Variants in TRIM42 observed in about 807,000 individuals in gnomAD.
The protein encoded by TRIM42 is tripartite motif containing 42, also known as tripartite motif-containing protein 42.
Under a neutral mutation model 64.9 loss-of-function variants are expected in TRIM42, and 59 were observed. The ratio of observed to expected loss-of-function variants is 0.91; its 90% confidence interval spans 0.74 to 1.13. TRIM42 has a LOEUF of 1.13. Ranked by LOEUF, TRIM42 falls within the 50% of genes most tolerant of loss-of-function variation. The pLI, the probability that TRIM42 is intolerant of heterozygous loss-of-function variation, is 0.00. For synonymous variants in TRIM42, 354 were observed against 346.3 expected (o/e 1.02, Z -0.25); for missense variants, 878 against 929.5 (o/e 0.94, Z 0.72).
intron 4 of TRIM42, among the ~76,000 whole-genome samples, chr3:140,697,809 T>A (rs926355322): frequency 6.6e-6 from 1 of 151,992 alleles, no homozygotes; most frequent in South Asian, 2.1e-4. Flanking sequence ...TCAGCCTCCC[T>A]AGTAGCTGGG....
At chr3:140,683,842 G>A (rs1226046328) in intron 2 of TRIM42, among the ~76,000 whole-genome samples, 1 of 152,022 alleles carries the variant, frequency 6.6e-6, no homozygotes, top group Non-Finnish European at 1.5e-5. Flanking sequence ...GTTTTATATT[G>A]TTACATATAA....
chr3:140,691,485 T>C (rs1247167909), intron 4 of TRIM42, among the ~76,000 whole-genome samples: 1 of 152,186 alleles, frequency 6.6e-6, no homozygotes, highest in Non-Finnish European at 1.5e-5. Context: ...GCTCAGGGTC[T>C]AGTAAACAAA....
chr3:140,690,992 G>A lies in TRIM42; in HGVS notation c.1885G>A (p.Asp629Asn), dbSNP rs1244064122. 1 of 1,613,908 alleles carries A rather than the reference G, an allele frequency of 6.2e-7. No individual in the cohort carries two copies. The highest frequency in any genetic ancestry group is 1.1e-5 in the South Asian group (1 of 91,066). Residue 629 changes from aspartate (D) to asparagine (N), a missense_variant, in exon 4 of 5, where the codon GAC becomes AAC. Coordinates refer to ENST00000286349, the MANE Select transcript of TRIM42 (RefSeq NM_152616.5). ...AKVYWTCPAE[D>N]VDSFEMEFYE... ...GGTTTACTGGACATGTCCAGCAGAA[G>A]ACGTGGACTCTTTTGAGATGGAATT...
At chr3:140,681,454 TA>T (rs1451446585) in intron 1 of TRIM42, among the ~76,000 whole-genome samples, 2 of 152,152 alleles carry the variant, frequency 1.3e-5, no homozygotes, top group African/African-American at 4.8e-5. Context: ...GAGAGAGGTT[TA>T]AAAAAACATC....
At chr3:140,680,451 C>T (rs185560198) in intron 1 of TRIM42, among the ~76,000 whole-genome samples, 258 of 152,200 alleles carry the variant, frequency 1.7e-3, no homozygotes, top group Non-Finnish European at 3.0e-3. Flanking sequence ...GCCCTGAGAC[C>T]TCTTTCTCAT....
intron 2 of TRIM42, among the ~76,000 whole-genome samples, chr3:140,684,899 T>C (rs1988509589): frequency 6.6e-6 from 1 of 152,100 alleles, no homozygotes; most frequent in Non-Finnish European, 1.5e-5. Flanking sequence ...ACCTCGTCCT[T>C]AATACAGGAG....
At position 140,697,359 on chromosome 3, in the gene TRIM42, A is replaced by G. The variant is rs144095771; in HGVS notation, c.2086-3529A>G. On this transcript the variant is annotated intron_variant, in intron 4 of 4. Coordinates refer to ENST00000286349, the MANE Select transcript of TRIM42 (RefSeq NM_152616.5). ...TAATTTTGATATAATCAAAATCATC[A>G]ATTATTTTTTCTTTATAGCTTAACC... 2.9e-3 allele frequency among the ~76,000 whole-genome samples: 442 copies of G among 152,234 alleles called. 13 individuals are homozygous for G. The East Asian group carries it at 0.074, about 26-fold the overall frequency.
Position 140,682,597 on chromosome 3 carries a change from G to T in TRIM42, c.477G>T (p.Leu159=). ...CSRLRLHSFM[L]PCNHSLCEKC... ...GGCTGCGCCTGCACTCATTCATGCT[G>T]CCCTGCAACCACAGCCTGTGCGAGA... Residue 159 remains leucine, a synonymous_variant, in exon 2 of 5, where the codon CTG becomes CTT. Coordinates refer to ENST00000286349, the MANE Select transcript of TRIM42 (RefSeq NM_152616.5). 2 of 1,614,202 alleles carry T rather than the reference G, an allele frequency of 1.2e-6. No homozygotes were observed. Among genetic ancestry groups the T allele is most frequent in the Non-Finnish European group, 1.7e-6 (2 of 1,180,042 alleles).
In TRIM42 at chr3:140,678,373, G is replaced by C. The variant is rs749345972; in HGVS notation, c.144G>C (p.Arg48=). 1 of 1,614,178 alleles carries C rather than the reference G, an allele frequency of 6.2e-7. No individual in the cohort carries two copies. The highest frequency in any genetic ancestry group is 8.5e-7 in the Non-Finnish European group (1 of 1,180,024). Residue 48 remains arginine, a synonymous_variant, in exon 1 of 5, where the codon CGG becomes CGC. Transcript: ENST00000286349. ...TCCCCTGCCCTTACAAAGATGAGCG[G>C]AACTGCCAGTTCTGCCACTGCACCT... ...TCFPCPYKDE[R]NCQFCHCTCS... is the part of the protein sequence containing the mutation.
At chr3:140,695,099 T>C (rs1256309034) in intron 4 of TRIM42, among the ~76,000 whole-genome samples, 1 of 151,716 alleles carries the variant, frequency 6.6e-6, no homozygotes, top group Non-Finnish European at 1.5e-5. Flanking sequence ...TAAAAAAAAG[T>C]CAGCTGGGTG....
intron 4 of TRIM42, among the ~76,000 whole-genome samples, chr3:140,698,606 C>T (rs1033985319): frequency 1.3e-5 from 2 of 151,462 alleles, no homozygotes; most frequent in East Asian, 3.8e-4. Flanking sequence ...ATGTTGCATA[C>T]CATAAATAAA....
At position 140,688,507 on chromosome 3, in the gene TRIM42, A is replaced by G; in HGVS notation, c.1825A>G (p.Ile609Val). The G allele has an allele frequency of 6.2e-7, 1 of 1,613,658 alleles. No individual in the cohort carries two copies. The highest frequency in any genetic ancestry group is 8.5e-7 in the Non-Finnish European group (1 of 1,179,696). The change falls in exon 3 of 5, where the codon ATC becomes GTC. Residue 609 changes from isoleucine to valine, a missense_variant. Physicochemically the swap from Ile to Val is conservative, Grantham distance 29 (BLOSUM62 3). Coordinates refer to ENST00000286349, the MANE Select transcript of TRIM42 (RefSeq NM_152616.5). ...GSVKTPGPIVIYQTLVYPRAA... is the reference protein window; with the variant it reads ...GSVKTPGPIVVYQTLVYPRAA... Reference sequence around the variant, plus strand: ...TGTGAAGACCCCAGGCCCAATTGTTATCTACCAGACTCTGGTGTACCCAAG... The same window carrying G: ...TGTGAAGACCCCAGGCCCAATTGTTGTCTACCAGACTCTGGTGTACCCAAG...
At position 140,686,211 on chromosome 3, in the gene TRIM42, A is replaced by G. The variant is rs186028253; in HGVS notation, c.1040-1511A>G. Among the ~76,000 whole-genome samples, 38 of 152,328 alleles carry G rather than the reference A, an allele frequency of 2.5e-4. No homozygotes were observed. The East Asian group carries it at 4.8e-3, about 19-fold the overall frequency. On this transcript the variant is annotated intron_variant, in intron 2 of 4. Coordinates refer to ENST00000286349, the MANE Select transcript of TRIM42 (RefSeq NM_152616.5). ...TATCTTTAACAGTAGGTAACTATTGAATAGTCAAAGAAAATAATGCGCAAA... is the reference window on the plus strand; with the variant it reads ...TATCTTTAACAGTAGGTAACTATTGGATAGTCAAAGAAAATAATGCGCAAA...
chr3:140,683,287 A>G, intron 2 of TRIM42, 128 bp downstream of exon 2: 2 of 974,144 alleles, frequency 2.1e-6, no homozygotes, highest in Middle Eastern at 4.9e-4. Flanking sequence ...AGGCACCAGG[A>G]AACACTGTGC....
intron 4 of TRIM42, among the ~76,000 whole-genome samples, chr3:140,700,194 G>T (rs1034892860): frequency 6.6e-6 from 1 of 152,166 alleles, no homozygotes; most frequent in Admixed American, 6.5e-5. Context: ...CAACATCTAA[G>T]CTAACTTGGT....
intron 4 of TRIM42, among the ~76,000 whole-genome samples, chr3:140,697,859 A>G (rs1335910315): frequency 6.6e-6 from 1 of 151,804 alleles, no homozygotes; most frequent in Non-Finnish European, 1.5e-5. Flanking sequence ...AAATTTTTGT[A>G]TTTTTAGTAG....
intron 4 of TRIM42, among the ~76,000 whole-genome samples, chr3:140,695,392 G>A (rs1047820991): frequency 1.3e-5 from 2 of 152,208 alleles, no homozygotes; most frequent in Non-Finnish European, 2.9e-5. Flanking sequence ...TAAAGTGGAT[G>A]TCCTAGGTTA....
intron 2 of TRIM42, among the ~76,000 whole-genome samples, chr3:140,685,811 A>G (rs4683377): frequency 0.47 from 70,838 of 152,080 alleles, 17,933 homozygotes; most frequent in Non-Finnish European, 0.57. Context: ...GTGTAACACT[A>G]TACAGTCACT....
chr3:140,698,333 T>G (rs1212268111), intron 4 of TRIM42, among the ~76,000 whole-genome samples: 2 of 152,256 alleles, frequency 1.3e-5, no homozygotes, highest in Non-Finnish European at 2.9e-5. Context: ...TTTGAACATT[T>G]ACTCAAACCA....
Sources: allele counts gnomAD v4.1 joint callset (sites outside exome capture counted in the v4.1 genomes callset), GRCh38; gene constraint gnomAD v4.1.1; transcripts MANE v1.5; gene names NCBI Gene and HGNC (gene_info 2026-07-23, HGNC 2026-07-21).